Variants in XKR9 observed in about 807,000 individuals in gnomAD.
XKR9 encodes the protein XK related 9.
In XKR9, 32 loss-of-function variants were observed where a neutral mutation model predicts 32.0. The ratio of observed to expected loss-of-function variants is 1.00; its 90% CI spans 0.76 to 1.34. The LOEUF (loss-of-function observed/expected upper bound fraction) is 1.34, where lower values mean the gene tolerates loss of function less well. XKR9 is among the 40% of genes most tolerant of loss of function. XKR9 has a pLI of 0.00. For missense variants in XKR9, 546 were observed against 429.7 expected, an observed-to-expected ratio of 1.27 and a Z score of -2.39; for synonymous variants, 168 against 143.4, an observed-to-expected ratio of 1.17 and a Z score of -1.22.
At chr8:70,909,177 A>G in the XKR9 span, among the ~76,000 whole-genome samples, 1 of 151,978 alleles carries the variant, frequency 6.6e-6, no homozygotes, top group Non-Finnish European at 1.5e-5. Flanking sequence ...AAACCTTCCA[A>G]TGGCTTCCAC....
In XKR9 at chr8:70,734,608, C is replaced by A. The variant is rs1361954775; in HGVS notation, c.*184C>A. 3 of 730,118 alleles carry A rather than the reference C, an allele frequency of 4.1e-6. No homozygotes were observed. The highest frequency in any genetic ancestry group is 5.5e-6 in the Non-Finnish European group (3 of 541,920). 45.2% of individuals were successfully genotyped at this position (730,118 alleles called of 1,614,324 possible). On this transcript the variant is annotated 3_prime_UTR_variant, in exon 5 of 5. Coordinates refer to ENST00000408926, the MANE Select transcript of XKR9 (RefSeq NM_001011720.2). ...TAATTTCTCATTTGGTTTTGAAGAT[C>A]TTGAGTACTCAGATATCTTTCTACT...
intron 2 of XKR9, among the ~76,000 whole-genome samples, chr8:70,742,491 C>T (rs553527667): frequency 1.1e-3 from 160 of 152,122 alleles, no homozygotes; most frequent in African/African-American, 3.7e-3. Flanking sequence ...AAGTGTTCTT[C>T]GTTTTTTTCT....
Position 70,705,879 on chromosome 8 carries a change from C to G in XKR9, c.273-1054C>G, listed in dbSNP as rs559909788. ...CAGGCCAGAGAGTTGGCTGCTTAAA[C>G]AAGGGTGGTAGTAGTGGAAGTGGTA... is the stretch of plus-strand genomic sequence containing the variant. On this transcript the variant is annotated intron_variant, in intron 3 of 4. Coordinates refer to ENST00000408926, the MANE Select transcript of XKR9 (RefSeq NM_001011720.2). 7.2e-5 allele frequency among the ~76,000 whole-genome samples: 11 copies of G among 152,168 alleles called. No individual in the cohort carries two copies. In the East Asian group the frequency reaches 1.7e-3, roughly 24 times the overall value.
intron 4 of XKR9, among the ~76,000 whole-genome samples, chr8:70,732,572 T>C (rs13269690): frequency 0.53 from 80,876 of 152,036 alleles, 22,524 homozygotes; most frequent in Middle Eastern, 0.62. Context: ...TTCACCTTGC[T>C]GCTGCATGGA....
chr8:70,731,701 TG>T (rs1486240909), intron 4 of XKR9, among the ~76,000 whole-genome samples: 4 of 152,168 alleles, frequency 2.6e-5, no homozygotes, highest in Admixed American at 2.6e-4. Context: ...TAATTCACAA[TG>T]GGTGATCTCT....
At chr8:70,875,905 G>C in the XKR9 span, among the ~76,000 whole-genome samples, 1 of 151,998 alleles carries the variant, frequency 6.6e-6, no homozygotes, top group Non-Finnish European at 1.5e-5. Context: ...AACTGAGCTA[G>C]ATTCCTAATA....
At chr8:70,718,453 C>T (rs1806164116) in intron 4 of XKR9, among the ~76,000 whole-genome samples, 1 of 152,188 alleles carries the variant, frequency 6.6e-6, no homozygotes, top group South Asian at 2.1e-4. Context: ...GCTGTTTGTC[C>T]TAATGCTCTT....
At chr8:71,018,804 G>A in the XKR9 span, among the ~76,000 whole-genome samples, 1 of 152,136 alleles carries the variant, frequency 6.6e-6, no homozygotes, top group African/African-American at 2.4e-5. Flanking sequence ...ATACAAACTA[G>A]CCTTTTTATG....
chr8:70,718,296 T>C (rs1186017704), intron 4 of XKR9, among the ~76,000 whole-genome samples: 1 of 146,616 alleles, frequency 6.8e-6, no homozygotes, highest in African/African-American at 2.5e-5. Flanking sequence ...TATTTATTTA[T>C]TTTTATTATT....
chr8:70,807,953 A>C, the XKR9 span, among the ~76,000 whole-genome samples: 1 of 152,178 alleles, frequency 6.6e-6, no homozygotes, highest in Non-Finnish European at 1.5e-5. Context: ...ATTTCAACAG[A>C]CTATATATTC....
At chr8:70,844,886 C>T in the XKR9 span, among the ~76,000 whole-genome samples, 1 of 152,212 alleles carries the variant, frequency 6.6e-6, no homozygotes, top group Admixed American at 6.5e-5. Context: ...ACCCATGCTC[C>T]ACATCCTATC....
At chr8:70,869,722 T>G in the XKR9 span, among the ~76,000 whole-genome samples, 1 of 152,212 alleles carries the variant, frequency 6.6e-6, no homozygotes, top group South Asian at 2.1e-4. Context: ...GAACTATGTT[T>G]TAAGACTGAT....
the XKR9 span, among the ~76,000 whole-genome samples, chr8:71,010,189 T>C: frequency 6.6e-6 from 1 of 152,198 alleles, no homozygotes; most frequent in Non-Finnish European, 1.5e-5. Flanking sequence ...TGGTACCAGG[T>C]ACATGACAGC....
chr8:71,044,607 G>C, the XKR9 span, among the ~76,000 whole-genome samples: 1 of 152,164 alleles, frequency 6.6e-6, no homozygotes, highest in Admixed American at 6.6e-5. Flanking sequence ...AATGCTTTAA[G>C]TTACTAATAC....
chr8:70,989,236 T>A, the XKR9 span, among the ~76,000 whole-genome samples: 2 of 152,206 alleles, frequency 1.3e-5, no homozygotes, highest in African/African-American at 4.8e-5. Context: ...GAAGAAAGCA[T>A]GGAAATCCCC....
chr8:70,734,029 A>T lies in XKR9; in HGVS notation c.727A>T (p.Ile243Leu), dbSNP rs1231829728. The T allele has an allele frequency of 6.2e-7, 1 of 1,613,318 alleles. No individual in the cohort carries two copies. Among genetic ancestry groups the T allele is most frequent in the African/African-American group, 1.3e-5 (1 of 74,878 alleles). ...GTTGTTATTTCTTTGGTTGTTAGGT[A>T]TAATATGGGCATTTAAAAACAACAC... ...FLLLFLWLLGIIWAFKNNTQF... is the reference protein window; with the variant it reads ...FLLLFLWLLGLIWAFKNNTQF... Residue 243 changes from isoleucine to leucine, a missense_variant, in exon 5 of 5, where the codon ATA becomes TTA. Ile to Leu is a conservative substitution (Grantham distance 5). Coordinates refer to ENST00000408926, the MANE Select transcript of XKR9 (RefSeq NM_001011720.2).
At chr8:70,790,642 A>G (rs55855305), downstream of XKR9, among the ~76,000 whole-genome samples, 48,492 of 151,966 alleles carry the variant, frequency 0.32, 9,105 homozygotes, top group Non-Finnish European at 0.43. Context: ...ATATCCTAGT[A>G]TATATTATAT....
intron 2 of XKR9, among the ~76,000 whole-genome samples, chr8:70,742,603 A>AT (rs538149238): frequency 1.6e-4 from 24 of 151,860 alleles, no homozygotes; most frequent in Admixed American, 5.2e-4. Context: ...TTCTTTTTTA[A>AT]TTTTTTTTAA....
chr8:70,932,119 T>C, the XKR9 span, among the ~76,000 whole-genome samples: 1 of 152,256 alleles, frequency 6.6e-6, no homozygotes, highest in Middle Eastern at 3.4e-3. Flanking sequence ...GAAGTAGACA[T>C]GGTCTCTTCC....
Sources: allele counts gnomAD v4.1 joint callset (sites outside exome capture counted in the v4.1 genomes callset), GRCh38; gene constraint gnomAD v4.1.1; transcripts MANE v1.5; gene names NCBI Gene and HGNC (gene_info 2026-07-23, HGNC 2026-07-21).